The following ADAMTS12 variants were observed in gnomAD, a reference collection of about 807,000 sequenced individuals.
ADAMTS12 encodes the protein ADAM metallopeptidase with thrombospondin type 1 motif 12.
A neutral mutation model predicts 167.8 loss-of-function variants in ADAMTS12; 118 were observed. The ratio of observed to expected loss-of-function variants is 0.70; its 90% CI spans 0.61 to 0.82. The LOEUF (loss-of-function observed/expected upper bound fraction) is 0.82, where lower values mean the gene tolerates loss of function less well. Among genes scored for constraint, ADAMTS12 ranks in the 40% least tolerant of loss-of-function variants. The probability of loss-of-function intolerance (pLI) is 0.00; values close to 1 mark genes in which losing one functional copy is unlikely to be tolerated. For missense variants in ADAMTS12, 1,916 were observed against 1,998.8 expected, an observed-to-expected ratio of 0.96 and a Z score of 0.79; for synonymous variants, 704 against 716.9, an observed-to-expected ratio of 0.98 and a Z score of 0.29.
chr5:33,625,036 C>G (rs959397371), intron 13 of ADAMTS12, among the ~76,000 whole-genome samples: 1 of 152,164 alleles, frequency 6.6e-6, no homozygotes, highest in Non-Finnish European at 1.5e-5. Context: ...TGCTATTTTG[C>G]TCAGGCCAGA....
At chr5:33,838,494 C>A (rs376901199) in intron 2 of ADAMTS12, among the ~76,000 whole-genome samples, 9 of 152,198 alleles carry the variant, frequency 5.9e-5, no homozygotes, top group East Asian at 5.8e-4. Flanking sequence ...ACCAGCCTGG[C>A]CAACATAGTG....
chr5:33,768,046 T>A (rs940188576), intron 2 of ADAMTS12, among the ~76,000 whole-genome samples: 1 of 152,122 alleles, frequency 6.6e-6, no homozygotes, highest in Non-Finnish European at 1.5e-5. Context: ...TTCTAAAAAA[T>A]TTTTAAAGCT....
intron 2 of ADAMTS12, among the ~76,000 whole-genome samples, chr5:33,861,891 A>C (rs1749629648): frequency 6.6e-6 from 1 of 152,250 alleles, no homozygotes; most frequent in Non-Finnish European, 1.5e-5. Flanking sequence ...AAACCTCACA[A>C]GTACATGGAA....
intron 2 of ADAMTS12, among the ~76,000 whole-genome samples, chr5:33,779,924 G>A (rs1372558142): frequency 2.0e-5 from 3 of 152,138 alleles, no homozygotes; most frequent in African/African-American, 7.2e-5. Context: ...CTATAACAGT[G>A]ACTATAGTTA....
At chr5:33,848,302 A>G (rs1203719780) in intron 2 of ADAMTS12, among the ~76,000 whole-genome samples, 1 of 152,150 alleles carries the variant, frequency 6.6e-6, no homozygotes, top group African/African-American at 2.4e-5. Context: ...GTCTCAGCTC[A>G]GCCAGAATCC....
intron 20 of ADAMTS12, among the ~76,000 whole-genome samples, chr5:33,560,807 T>G (rs1014799817): frequency 1.4e-5 from 2 of 145,818 alleles, no homozygotes; most frequent in Non-Finnish European, 3.0e-5. Flanking sequence ...CATTAGGAGA[T>G]ATACCTAATG....
At chr5:33,733,367 C>G (rs955083532) in intron 3 of ADAMTS12, among the ~76,000 whole-genome samples, 1 of 152,132 alleles carries the variant, frequency 6.6e-6, no homozygotes, top group Non-Finnish European at 1.5e-5. Context: ...TGACACAAAC[C>G]TTTGTTACTT....
At chr5:33,763,524 C>T (rs1421596524) in intron 2 of ADAMTS12, among the ~76,000 whole-genome samples, 3 of 152,182 alleles carry the variant, frequency 2.0e-5, no homozygotes, top group African/African-American at 4.8e-5. Context: ...TGTTTTATGT[C>T]ACTTTGTGGT....
In ADAMTS12 at chr5:33,563,595, C is replaced by T. The variant is rs1213792025; in HGVS notation, c.3973-2416G>A. Among the ~76,000 whole-genome samples, 3 of 152,178 alleles carry T rather than the reference C, an allele frequency of 2.0e-5. No individual in the cohort carries two copies. In the East Asian group the frequency reaches 5.8e-4, roughly 29 times the overall value. On this transcript the variant is annotated intron_variant, in intron 19 of 23. Coordinates refer to ENST00000504830, the MANE Select transcript of ADAMTS12 (RefSeq NM_030955.4). ...TCACATCAGCACCATATGAACACTG[C>T]TCTGAAATGCTGTGGAAAATTATGC...
rs376125699 is a variant in ADAMTS12 at position 33,534,850 on chromosome 5, G to A, written c.4589C>T (p.Ala1530Val). The A allele has an allele frequency of 6.2e-7, 1 of 1,613,484 alleles. No homozygotes were observed. Among genetic ancestry groups the A allele is most frequent in the Non-Finnish European group, 8.5e-7 (1 of 1,179,850 alleles). The change falls in exon 23 of 24, where the codon GCC becomes GTC. Residue 1530 changes from alanine (A) to valine (V), a missense_variant. Coordinates refer to ENST00000504830, the MANE Select transcript of ADAMTS12 (RefSeq NM_030955.4). The part of the protein sequence containing the change: ...PPEFKKCNQQ[A>V]CKKSADLLCT... ...TCACCCACCGGCACTTTTCTTGCAGGCCTGCTGGTTGCATTTTTTGAATTC... is the reference window on the plus strand; with the variant it reads ...TCACCCACCGGCACTTTTCTTGCAGACCTGCTGGTTGCATTTTTTGAATTC...
chr5:33,855,679 C>G (rs952431891), intron 2 of ADAMTS12, among the ~76,000 whole-genome samples: 1 of 142,238 alleles, frequency 7.0e-6, no homozygotes, highest in East Asian at 2.1e-4. Flanking sequence ...TGTTTTTTTT[C>G]TCTGCATATT....
chr5:33,701,704 C>T (rs1348238053), intron 3 of ADAMTS12, among the ~76,000 whole-genome samples: 3 of 152,208 alleles, frequency 2.0e-5, no homozygotes, highest in Non-Finnish European at 4.4e-5. Context: ...ACCCCACAGC[C>T]TTGCCCTTCT....
intron 2 of ADAMTS12, among the ~76,000 whole-genome samples, chr5:33,847,383 G>A (rs1408432001): frequency 6.6e-6 from 1 of 152,192 alleles, no homozygotes; most frequent in East Asian, 1.9e-4. Flanking sequence ...AGCACTTTGG[G>A]AGGCCTAGGC....
Position 33,839,819 on chromosome 5 carries a change from T to C in ADAMTS12, c.489+41300A>G, listed in dbSNP as rs547744591. Among the ~76,000 whole-genome samples, 6 of 152,330 alleles carry C rather than the reference T, an allele frequency of 3.9e-5. No homozygotes were observed. In the South Asian group the frequency reaches 1.2e-3, roughly 32 times the overall value. On this transcript the variant is annotated intron_variant, in intron 2 of 23. Coordinates refer to ENST00000504830, the MANE Select transcript of ADAMTS12 (RefSeq NM_030955.4). ...TGCTTCTCCGCATTTGTCCGTGCTA[T>C]CATTTTTGTTCACTATAAACAAATA...
intron 6 of ADAMTS12, among the ~76,000 whole-genome samples, chr5:33,659,717 AC>A (rs1741187838): frequency 1.3e-5 from 2 of 152,226 alleles, no homozygotes; most frequent in Non-Finnish European, 2.9e-5. Context: ...TGCAGCAGCC[AC>A]TAGCTGCACA....
At chr5:33,791,995 C>CTTT (rs746021718) in intron 2 of ADAMTS12, among the ~76,000 whole-genome samples, 3,715 of 119,254 alleles carry the variant, frequency 0.031, 289 homozygotes, top group African/African-American at 0.12. Flanking sequence ...TGCTTTCACA[C>CTTT]TTTTTTTTTT....
intron 2 of ADAMTS12, among the ~76,000 whole-genome samples, chr5:33,792,675 T>G (rs904196811): frequency 3.3e-4 from 50 of 152,232 alleles, no homozygotes; most frequent in African/African-American, 1.2e-3. Flanking sequence ...AGACTGACAC[T>G]TGGTTATCAG....
chr5:33,699,623 C>T (rs893353446), intron 3 of ADAMTS12, among the ~76,000 whole-genome samples: 2 of 152,118 alleles, frequency 1.3e-5, no homozygotes, highest in Non-Finnish European at 2.9e-5. Flanking sequence ...ATAAAAAGCT[C>T]TAAAATTGAT....
chr5:33,662,694 A>G (rs939117248), intron 5 of ADAMTS12, among the ~76,000 whole-genome samples: 3 of 152,214 alleles, frequency 2.0e-5, no homozygotes, highest in African/African-American at 7.2e-5. Flanking sequence ...GCTGGTAGCT[A>G]CTACTGGGGC....
Sources: allele counts gnomAD v4.1 joint callset (sites outside exome capture counted in the v4.1 genomes callset), GRCh38; gene constraint gnomAD v4.1.1; transcripts MANE v1.5; gene names NCBI Gene and HGNC (gene_info 2026-07-23, HGNC 2026-07-21).